The following ZFAT variants were observed in gnomAD, a reference collection of about 807,000 sequenced individuals.
ZFAT encodes the protein zinc finger protein ZFAT.
In ZFAT, 64 loss-of-function variants were observed where a neutral mutation model predicts 117.7. The ratio of observed to expected loss-of-function variants is 0.54; its 90% confidence interval spans 0.44 to 0.67. The LOEUF is 0.67. Ranked by LOEUF, ZFAT falls within the 30% of genes least tolerant of loss-of-function variation. The probability of loss-of-function intolerance (pLI) is 0.00; values close to 1 mark genes in which losing one functional copy is unlikely to be tolerated. For synonymous variants in ZFAT, 679 were observed against 615.0 expected (o/e 1.10, Z -1.54); for missense variants, 1,433 against 1,584.5 (o/e 0.90, Z 1.62).
chr8:134,646,956 C>G (rs1303392325), intron 2 of ZFAT, among the ~76,000 whole-genome samples: 1 of 152,150 alleles, frequency 6.6e-6, no homozygotes, highest in Non-Finnish European at 1.5e-5. Flanking sequence ...CACTGGTGAA[C>G]TCTACCAAAC....
At chr8:134,516,497 T>C (rs1314831192) in intron 13 of ZFAT, among the ~76,000 whole-genome samples, 1 of 152,180 alleles carries the variant, frequency 6.6e-6, no homozygotes, top group Non-Finnish European at 1.5e-5. Context: ...TGTTTGGTTA[T>C]GTTTACATAG....
chr8:134,588,143 C>T lies in ZFAT; in HGVS notation c.2713+103G>A, dbSNP rs372698624. The T allele has an allele frequency of 3.0e-6, 4 of 1,332,708 alleles. No homozygotes were observed. The African/African-American group carries it at 4.5e-5, about 15-fold the overall frequency. 82.6% of individuals were successfully genotyped at this position (1,332,708 alleles called of 1,614,324 possible). A position where few individuals can be genotyped will look rare whatever the true frequency, so the allele number is the denominator to read the frequency against. On this transcript the variant is annotated intron_variant, in intron 9 of 15. Coordinates refer to ENST00000377838, the MANE Select transcript of ZFAT (RefSeq NM_020863.4). ...TCTCAGTGTGCTAAGGAAATTCTAA[C>T]AGCAGGGATGTGAAGATACGGCTTC...
chr8:134,668,047 C>T (rs982180422), intron 1 of ZFAT, among the ~76,000 whole-genome samples: 1 of 152,128 alleles, frequency 6.6e-6, no homozygotes, highest in Non-Finnish European at 1.5e-5. Context: ...CAAGGCGGCA[C>T]TGAGGCTGGG....
chr8:134,542,903 T>C (rs939778546), intron 11 of ZFAT, among the ~76,000 whole-genome samples: 79 of 141,238 alleles, frequency 5.6e-4, no homozygotes, highest in East Asian at 1.8e-3. Context: ...GATGACCTGC[T>C]CACACCTCTC....
intron 6 of ZFAT, 71 bp from the exon 7 acceptor site, chr8:134,600,739 T>C: frequency 1.6e-6 from 2 of 1,237,732 alleles, no homozygotes; most frequent in Non-Finnish European, 2.2e-6. Context: ...TAAATTATTA[T>C]TATTTTTTAT....
At chr8:134,719,551 G>A in the ZFAT span, among the ~76,000 whole-genome samples, 125 of 152,286 alleles carry the variant, frequency 8.2e-4, no homozygotes, top group Middle Eastern at 3.4e-3. Context: ...AAAGTCTCTG[G>A]ATTTCAGTTC....
the ZFAT span, among the ~76,000 whole-genome samples, chr8:134,820,993 G>C: frequency 6.6e-6 from 1 of 152,192 alleles, no homozygotes; most frequent in African/African-American, 2.4e-5. Context: ...AGATGAGCAT[G>C]AGATCTGGAA....
chr8:134,583,698 C>A, intron 10 of ZFAT, 134 bp downstream of exon 10: 1 of 1,099,988 alleles, frequency 9.1e-7, no homozygotes, highest in Non-Finnish European at 1.3e-6. Flanking sequence ...TGGTCTTCAC[C>A]GCTCTTCCAG....
At chr8:134,578,177 C>T (rs59728894) in intron 10 of ZFAT, among the ~76,000 whole-genome samples, 34,469 of 151,884 alleles carry the variant, frequency 0.23, 4,511 homozygotes, top group East Asian at 0.52. Context: ...CTCTGGGAGG[C>T]TGAGGCGGGC....
At chr8:134,494,078 C>T (rs1216646953) in intron 15 of ZFAT, among the ~76,000 whole-genome samples, 6 of 152,162 alleles carry the variant, frequency 3.9e-5, no homozygotes, top group Non-Finnish European at 7.3e-5. Flanking sequence ...TGATTTAGTG[C>T]CAGGCCTGGC....
At chr8:134,516,093 T>C (rs956954397) in intron 13 of ZFAT, among the ~76,000 whole-genome samples, 12 of 152,236 alleles carry the variant, frequency 7.9e-5, no homozygotes, top group South Asian at 2.1e-4. Context: ...TCTCCCTCCA[T>C]TTCTGGCTTT....
chr8:134,793,268 T>G, the ZFAT span: 1 of 152,222 alleles, frequency 6.6e-6, no homozygotes, highest in African/African-American at 2.4e-5. Flanking sequence ...CATTTAGCAC[T>G]AGTTGATAGC....
At chr8:134,762,309 C>T in the ZFAT span, among the ~76,000 whole-genome samples, 1 of 152,184 alleles carries the variant, frequency 6.6e-6, no homozygotes, top group Non-Finnish European at 1.5e-5. Flanking sequence ...AACAAAATCT[C>T]TGTGACAGAA....
At chr8:134,786,769 ACAAT>A in the ZFAT span, among the ~76,000 whole-genome samples, 4 of 152,130 alleles carry the variant, frequency 2.6e-5, no homozygotes, top group Non-Finnish European at 2.9e-5. Flanking sequence ...ACATAAATTC[ACAAT>A]CACTTTCTAA....
At chr8:134,541,412 G>A (rs1822242977) in intron 11 of ZFAT, among the ~76,000 whole-genome samples, 1 of 152,162 alleles carries the variant, frequency 6.6e-6, no homozygotes, top group Non-Finnish European at 1.5e-5. Flanking sequence ...ACTCTGCAGA[G>A]TCCCCACCAG....
the ZFAT span, among the ~76,000 whole-genome samples, chr8:134,718,943 G>A: frequency 2.0e-5 from 3 of 152,300 alleles, no homozygotes; most frequent in East Asian, 5.8e-4. Flanking sequence ...AGAGTGCCAC[G>A]TGCAGAGACC....
At chr8:134,598,447 T>C (rs575521413) in intron 7 of ZFAT, 1 of 152,166 alleles carries the variant, frequency 6.6e-6, no homozygotes, top group Non-Finnish European at 1.5e-5. Flanking sequence ...CCTCTTTAGA[T>C]GCTGGTTTAT....
the ZFAT span, among the ~76,000 whole-genome samples, chr8:134,802,677 C>T: frequency 6.6e-6 from 1 of 152,188 alleles, no homozygotes; most frequent in Admixed American, 6.6e-5. Flanking sequence ...GAATGGTGTT[C>T]AGTAACTAAA....
At chr8:134,700,814 G>C (rs1833990617) in intron 1 of ZFAT, among the ~76,000 whole-genome samples, 1 of 152,112 alleles carries the variant, frequency 6.6e-6, no homozygotes, top group Non-Finnish European at 1.5e-5. Context: ...CCATGTCACT[G>C]ATCCCCCTAC....
Sources: allele counts gnomAD v4.1 joint callset (sites outside exome capture counted in the v4.1 genomes callset), GRCh38; gene constraint gnomAD v4.1.1; transcripts MANE v1.5; gene names NCBI Gene and HGNC (gene_info 2026-07-23, HGNC 2026-07-21).